GMDS: variants seen among roughly 807,000 people sequenced by gnomAD.
GMDS encodes GDP-mannose 4,6 dehydratase.
GMDS carries 20 observed loss-of-function variants against 49.9 expected under a neutral mutation model. The observed-to-expected ratio is 0.40, with a 90% CI of 0.28 to 0.58. The LOEUF (loss-of-function observed/expected upper bound fraction) is 0.58, where lower values mean the gene tolerates loss of function less well. GMDS is among the 20% of genes least tolerant of loss of function. The probability of loss-of-function intolerance (pLI) is 0.42; values close to 1 mark genes in which losing one functional copy is unlikely to be tolerated. For missense variants in GMDS, 362 were observed against 481.4 expected, an observed-to-expected ratio of 0.75 and a Z score of 2.32; for synonymous variants, 177 against 178.6, an observed-to-expected ratio of 0.99 and a Z score of 0.07.
chr6:1,877,637 C>CA (rs1759139844), intron 7 of GMDS, among the ~76,000 whole-genome samples: 1 of 75,926 alleles, frequency 1.3e-5, no homozygotes, highest in African/African-American at 6.6e-5. Flanking sequence ...GACCCCATCT[C>CA]AAAAATTAAA....
intron 7 of GMDS, among the ~76,000 whole-genome samples, chr6:1,924,933 G>C (rs554241725): frequency 1.4e-5 from 2 of 147,184 alleles, no homozygotes; most frequent in Non-Finnish European, 3.0e-5. Flanking sequence ...ACTCCAGCCC[G>C]GGCGACGGCG....
At chr6:1,900,390 A>G (rs1438360775) in intron 7 of GMDS, among the ~76,000 whole-genome samples, 1 of 152,246 alleles carries the variant, frequency 6.6e-6, no homozygotes, top group Admixed American at 6.5e-5. Context: ...AGCACATAAC[A>G]CACAAGCACC....
At chr6:1,752,507 G>A (rs192665256) in intron 7 of GMDS, among the ~76,000 whole-genome samples, 6 of 152,150 alleles carry the variant, frequency 3.9e-5, no homozygotes, top group East Asian at 1.9e-4. Context: ...CAAGACAGGC[G>A]AACATTCAAA....
At chr6:1,809,354 G>GTTCC (rs1380076459) in intron 7 of GMDS, among the ~76,000 whole-genome samples, 1 of 152,144 alleles carries the variant, frequency 6.6e-6, no homozygotes, top group African/African-American at 2.4e-5. Context: ...AGCTCACGTG[G>GTTCC]TTCCCCAGGT....
chr6:1,670,536 G>T (rs748726971), intron 9 of GMDS, among the ~76,000 whole-genome samples: 3 of 151,882 alleles, frequency 2.0e-5, no homozygotes, highest in Non-Finnish European at 4.4e-5. Context: ...ATATGTAAAA[G>T]AAATTGGCTT....
chr6:1,726,615 T>G (rs763769693), intron 8 of GMDS, 103 bp from the exon 9 acceptor site: 19 of 788,824 alleles, frequency 2.4e-5, no homozygotes, highest in Middle Eastern at 2.3e-4. Context: ...CAGGAGCGCT[T>G]AAGCTCATTA....
At chr6:2,240,704 G>A (rs957453684) in intron 1 of GMDS, among the ~76,000 whole-genome samples, 15 of 151,852 alleles carry the variant, frequency 9.9e-5, no homozygotes, top group Non-Finnish European at 1.5e-4. Context: ...CACTTTGAAC[G>A]GTACCTGGCA....
chr6:1,846,625 A>C (rs1757425801), intron 7 of GMDS, among the ~76,000 whole-genome samples: 2 of 152,228 alleles, frequency 1.3e-5, no homozygotes, highest in Admixed American at 1.3e-4. Context: ...CATTCTTTCC[A>C]ATCCTAGATT....
rs1243926483 is a variant in GMDS, at chr6:1,635,567, C to T, written c.988-11027G>A. On this transcript the variant is annotated intron_variant, in intron 9 of 10. Coordinates refer to ENST00000380815, the MANE Select transcript of GMDS (RefSeq NM_001500.4). The surrounding 1 kb of genome is among the most constrained non-coding windows in gnomAD (Gnocchi z 4.7). ...TTGATGGGAGCTTTGGTGGGGACTC[C>T]GAGGGCGACACTGTGCGGCGACCCT... Among the ~76,000 whole-genome samples, 2 of 152,142 alleles carry T rather than the reference C, an allele frequency of 1.3e-5. No homozygotes were observed. Among genetic ancestry groups the T allele is most frequent in the Non-Finnish European group, 2.9e-5 (2 of 68,032 alleles).
At chr6:1,916,680 C>T (rs556798566) in intron 7 of GMDS, among the ~76,000 whole-genome samples, 1 of 151,994 alleles carries the variant, frequency 6.6e-6, no homozygotes, top group Non-Finnish European at 1.5e-5. Flanking sequence ...CATTTGAGAG[C>T]ACAATACCAC....
chr6:1,697,905 T>C (rs1419242572), intron 9 of GMDS, among the ~76,000 whole-genome samples: 2 of 152,240 alleles, frequency 1.3e-5, no homozygotes, highest in Non-Finnish European at 2.9e-5. Flanking sequence ...CACTTCCTGC[T>C]CTCTTGTTCC....
chr6:2,237,518 C>CTTTT (rs397885506), intron 1 of GMDS, among the ~76,000 whole-genome samples: 5 of 125,844 alleles, frequency 4.0e-5, no homozygotes, highest in Admixed American at 1.6e-4. Context: ...TTGGAAGTAC[C>CTTTT]TTTTTTTTTT....
chr6:2,086,369 C>A (rs144229955), intron 4 of GMDS, among the ~76,000 whole-genome samples: 2 of 152,334 alleles, frequency 1.3e-5, no homozygotes, highest in Non-Finnish European at 2.9e-5. Flanking sequence ...TGATCTTACA[C>A]AATAGAAAAT....
chr6:1,761,762 C>A (rs1262145914), intron 7 of GMDS, among the ~76,000 whole-genome samples: 4 of 152,104 alleles, frequency 2.6e-5, no homozygotes, highest in Non-Finnish European at 5.9e-5. Flanking sequence ...CAAAATAAAA[C>A]AGAGACGCTC....
intron 4 of GMDS, among the ~76,000 whole-genome samples, chr6:1,986,325 C>T (rs890820918): frequency 2.6e-5 from 4 of 152,080 alleles, no homozygotes; most frequent in Non-Finnish European, 5.9e-5. Flanking sequence ...AAGTATAATA[C>T]GAAAACAGTG....
intron 4 of GMDS, among the ~76,000 whole-genome samples, chr6:2,047,496 T>G (rs1196142465): frequency 1.3e-5 from 2 of 152,058 alleles, no homozygotes; most frequent in African/African-American, 4.8e-5. Flanking sequence ...TTGTTTTTTC[T>G]TTTTTTTGAG....
At chr6:2,100,278 T>C (rs1405211610) in intron 4 of GMDS, among the ~76,000 whole-genome samples, 1 of 152,090 alleles carries the variant, frequency 6.6e-6, no homozygotes, top group East Asian at 1.9e-4. Flanking sequence ...TAAAGAAATG[T>C]AAATAAATTG....
chr6:2,059,471 G>A (rs1438904350), intron 4 of GMDS, among the ~76,000 whole-genome samples: 2 of 150,814 alleles, frequency 1.3e-5, no homozygotes, highest in Admixed American at 6.6e-5. Flanking sequence ...CACTTTGGGA[G>A]GCCGAGGCGG....
chr6:2,200,556 A>C (rs1049534927), intron 1 of GMDS, among the ~76,000 whole-genome samples: 3 of 148,926 alleles, frequency 2.0e-5, no homozygotes, highest in South Asian at 4.4e-4. Context: ...GTGAAGGATG[A>C]AGAGAGAGCA....
Sources: gnomAD v4.1 joint callset for allele counts (sites outside exome capture counted in the v4.1 genomes callset) on GRCh38, gnomAD v4.1.1 for gene constraint, Gnocchi (gnomAD v3.1) non-coding constraint, MANE v1.5 for transcripts, NCBI Gene and HGNC (gene_info 2026-07-23, HGNC 2026-07-21) for gene names.